The following OR4M1 variants were observed in gnomAD, a reference collection of about 807,000 sequenced individuals.
OR4M1 encodes olfactory receptor 4M1.
In OR4M1, 7 loss-of-function variants were observed where a neutral mutation model predicts 9.8. That is an observed-to-expected ratio of 0.71 (90% CI 0.41 to 1.34). The LOEUF (loss-of-function observed/expected upper bound fraction) is 1.34. Ranked by LOEUF, OR4M1 falls within the 40% of genes most tolerant of loss-of-function variation. OR4M1 has a pLI of 0.01. For missense variants in OR4M1, 331 were observed against 380.4 expected, an observed-to-expected ratio of 0.87 and a Z score of 1.08; for synonymous variants, 121 against 139.8, an observed-to-expected ratio of 0.87 and a Z score of 0.95.
rs770771055 is a variant in OR4M1, at chr14:19,781,306, T to C, written c.*42T>C. The C allele has an allele frequency of 6.1e-6, 9 of 1,473,828 alleles. No individual in the cohort carries two copies. Among genetic ancestry groups the C allele is most frequent in the Non-Finnish European group, 6.5e-6 (7 of 1,082,566 alleles). The allele number at this position is 1,473,828 out of a possible 1,614,324, so 91.3% of individuals were successfully genotyped here. A position where few individuals can be genotyped will look rare whatever the true frequency, so the allele number is the denominator to read the frequency against. The stretch of plus-strand genomic sequence containing the variant: ...TTTATAGTCCTCCTGAGGATCATTG[T>C]CCTAAAGCAGGAAGTATTTGCAGTA... On this transcript the variant is annotated 3_prime_UTR_variant, in exon 2 of 2. Coordinates refer to ENST00000641200, the MANE Select transcript of OR4M1 (RefSeq NM_001005500.2).
chr14:19,777,510 ATTTTATTTTAT>A (rs1878348985), intron 1 of OR4M1, among the ~76,000 whole-genome samples: 1 of 151,952 alleles, frequency 6.6e-6, no homozygotes, highest in Admixed American at 6.6e-5. Flanking sequence ...ACTTATTTAT[ATTTTATTTTAT>A]TTTTATTTGC....
In OR4M1 at chr14:19,780,438, T is replaced by A; in HGVS notation, c.116T>A (p.Leu39Gln). ...VIFLSFYLFILPGNILIICTI... is the reference protein window; with the variant it reads ...VIFLSFYLFIQPGNILIICTI... ...TTTCTATCCTTCTATTTGTTCATCC[T>A]ACCAGGAAATATCCTTATCATTTGC... Residue 39 changes from leucine to glutamine, a missense_variant, in exon 2 of 2, where the codon CTA becomes CAA. Coordinates refer to ENST00000641200, the MANE Select transcript of OR4M1 (RefSeq NM_001005500.2). 1 of 1,614,174 alleles carries A rather than the reference T, an allele frequency of 6.2e-7. No individual in the cohort carries two copies. The highest frequency in any genetic ancestry group is 8.5e-7 in the Non-Finnish European group (1 of 1,179,988).
chr14:19,781,341 C>CAA lies in OR4M1; in HGVS notation c.*78_*79insAA. ...GGAAGTATTTGCAGTAATAATGCTG[C>CAA]ATTCACTTCCTCCGTTCATTTGTGT... On this transcript the variant is annotated 3_prime_UTR_variant, in exon 2 of 2. Transcript: ENST00000641200. The CAA allele has an allele frequency of 1.6e-6, 2 of 1,217,610 alleles. No homozygotes were observed. Among genetic ancestry groups the CAA allele is most frequent in the Non-Finnish European group, 2.3e-6 (2 of 875,632 alleles). The allele number at this position is 1,217,610 out of a possible 1,614,324, so 75.4% of individuals were successfully genotyped here.
Position 19,782,707 on chromosome 14 carries a change from T to A in OR4M1, c.*1443T>A, listed in dbSNP as rs1336599463. On this transcript the variant is annotated 3_prime_UTR_variant, in exon 2 of 2. Transcript: ENST00000641200. ...GGTGACCTTCTTCGATCTTCAATGC[T>A]ACGTTACTTCTCTTCTAGGAACCCA... 1 of 152,264 alleles carries A rather than the reference T, an allele frequency of 6.6e-6. No individual in the cohort carries two copies. The highest frequency in any genetic ancestry group is 2.4e-5 in the African/African-American group (1 of 41,470). The allele number at this position is 152,264 out of a possible 1,614,324, so 9.4% of individuals were successfully genotyped here.
rs143594631 is a variant in OR4M1 at position 19,782,873 on chromosome 14, T to A, written c.*1609T>A. 6.7e-6 allele frequency: 1 copy of A among 149,746 alleles called. No homozygotes were observed. Among genetic ancestry groups the A allele is most frequent in the Non-Finnish European group, 1.5e-5 (1 of 66,648 alleles). 9.3% of individuals were successfully genotyped at this position (149,746 alleles called of 1,614,324 possible). On this transcript the variant is annotated 3_prime_UTR_variant, in exon 2 of 2. Coordinates refer to ENST00000641200, the MANE Select transcript of OR4M1 (RefSeq NM_001005500.2). ...GTACAAAAGATATATATATATAATATGATAAAATGATGAGTTATGTTTCTA... is the reference window on the plus strand; with the variant it reads ...GTACAAAAGATATATATATATAATAAGATAAAATGATGAGTTATGTTTCTA...
At chr14:19,776,035 G>A (rs1878300910) in intron 1 of OR4M1, among the ~76,000 whole-genome samples, 1 of 152,008 alleles carries the variant, frequency 6.6e-6, no homozygotes, top group African/African-American at 2.4e-5. Context: ...CCGTCTATAT[G>A]GTGAAGATGC....
chr14:19,773,851 C>T (rs1878236956), intron 1 of OR4M1, among the ~76,000 whole-genome samples: 1 of 152,324 alleles, frequency 6.6e-6, no homozygotes, highest in Non-Finnish European at 1.5e-5. Flanking sequence ...TTGAACAGGG[C>T]ATTGAAGAGA....
rs1878561336 is a variant in OR4M1, at chr14:19,783,395, C to T, written c.*2131C>T. On this transcript the variant is annotated 3_prime_UTR_variant, in exon 2 of 2. Coordinates refer to ENST00000641200, the MANE Select transcript of OR4M1 (RefSeq NM_001005500.2). ...GACAGCCCCCAGCCCCTGACTCCCACATGAATTATCTGGCCCAAAATGTCA... is the reference window on the plus strand; with the variant it reads ...GACAGCCCCCAGCCCCTGACTCCCATATGAATTATCTGGCCCAAAATGTCA... 6.5e-6 allele frequency: 1 copy of T among 152,700 alleles called. No homozygotes were observed. The highest frequency in any genetic ancestry group is 1.5e-5 in the Non-Finnish European group (1 of 68,364). 9.5% of individuals were successfully genotyped at this position (152,700 alleles called of 1,614,324 possible). A position where few individuals can be genotyped will look rare whatever the true frequency, so the allele number is the denominator to read the frequency against.
chr14:19,777,294 T>C (rs1482753407), intron 1 of OR4M1, among the ~76,000 whole-genome samples: 1 of 151,650 alleles, frequency 6.6e-6, no homozygotes, highest in Non-Finnish European at 1.5e-5. Flanking sequence ...AGAAAGTCTT[T>C]CATGACACAA....
rs1299105784 is a variant in OR4M1 at position 19,781,502 on chromosome 14, T to C, written c.*238T>C. On this transcript the variant is annotated 3_prime_UTR_variant, in exon 2 of 2. Coordinates refer to ENST00000641200, the MANE Select transcript of OR4M1 (RefSeq NM_001005500.2). The stretch of plus-strand genomic sequence containing the variant: ...ATCATTATTAGAATTTGAGATATAA[T>C]AATAATCTGCTAAAGTACATTTTAA... 6.1e-6 allele frequency: 3 copies of C among 492,718 alleles called. No homozygotes were observed. Among genetic ancestry groups the C allele is most frequent in the Non-Finnish European group, 1.1e-5 (3 of 282,122 alleles). 30.5% of individuals were successfully genotyped at this position (492,718 alleles called of 1,614,324 possible). A position where few individuals can be genotyped will look rare whatever the true frequency, so the allele number is the denominator to read the frequency against.
chr14:19,776,115 T>C lies in OR4M1; in HGVS notation c.-30+2522T>C, dbSNP rs13379330. On this transcript the variant is annotated intron_variant, in intron 1 of 1. Coordinates refer to ENST00000641200, the MANE Select transcript of OR4M1 (RefSeq NM_001005500.2). The stretch of plus-strand genomic sequence containing the variant: ...AATATCCTAAAAATAGGAAAATTAA[T>C]TCGCATTATTTCTAAGAAGTGTTGT... 5.7e-3 allele frequency among the ~76,000 whole-genome samples: 863 copies of C among 152,186 alleles called. 1 individual carries two copies. The highest frequency in any genetic ancestry group is 0.019 in the African/African-American group (783 of 41,448).
chr14:19,773,778 T>C (rs901887846), intron 1 of OR4M1, among the ~76,000 whole-genome samples, 185 bp downstream of exon 1: 2 of 150,866 alleles, frequency 1.3e-5, no homozygotes, highest in Admixed American at 1.3e-4. Flanking sequence ...AGCTGTAGAG[T>C]GGGTGGACAA....
Position 19,783,434 on chromosome 14 carries a change from T to G in OR4M1, c.*2170T>G, listed in dbSNP as rs1392065713. 1 of 152,728 alleles carries G rather than the reference T, an allele frequency of 6.5e-6. No homozygotes were observed. Among genetic ancestry groups the G allele is most frequent in the Non-Finnish European group, 1.5e-5 (1 of 68,400 alleles). The allele number at this position is 152,728 out of a possible 1,614,324, so 9.5% of individuals were successfully genotyped here. ...CCCAAAATGTCAATAGTGCCGAGAA[T>G]GAAGAACTCCATCAGGTTGAGAAAC... On this transcript the variant is annotated 3_prime_UTR_variant, in exon 2 of 2. Coordinates refer to ENST00000641200, the MANE Select transcript of OR4M1 (RefSeq NM_001005500.2).
chr14:19,781,019 GAGAAT>G lies in OR4M1; in HGVS notation c.699_703del (p.Glu233AspfsTer31), dbSNP rs768005533. 5.6e-5 allele frequency: 90 copies of G among 1,614,196 alleles called. No homozygotes were observed. In the African/African-American group the frequency reaches 1.1e-3, roughly 20 times the overall value. On this transcript the variant is annotated frameshift_variant, in exon 2 of 2. Coordinates refer to ENST00000641200, the MANE Select transcript of OR4M1 (RefSeq NM_001005500.2). LOFTEE classifies it high-confidence loss of function. ...GCTCAAGAAACATTCAGGCTCAGGTGAGAATACCAACAGGGCCATGTCCACCTGCT... is the reference window on the plus strand; with the variant it reads ...GCTCAAGAAACATTCAGGCTCAGGTGACCAACAGGGCCATGTCCACCTGCT...
chr14:19,774,738 G>T (rs1176963182), intron 1 of OR4M1, among the ~76,000 whole-genome samples: 3 of 152,200 alleles, frequency 2.0e-5, no homozygotes, highest in Non-Finnish European at 4.4e-5. Context: ...TGGGAAAAAT[G>T]TGGGGACCAT....
rs1337444477 is a variant in OR4M1 at position 19,780,976 on chromosome 14, T to C, written c.654T>C (p.Tyr218=). ...GTTTCATTGCTCTGTTAATGTCCTA[T>C]GCCTTCCTTCTGGCCTTGCTCAAGA... is the stretch of plus-strand genomic sequence containing the variant. ...VVCFIALLMS[Y]AFLLALLKKH... is the part of the protein sequence containing the mutation. Residue 218 remains tyrosine (Y), a synonymous_variant, in exon 2 of 2, where the codon TAT becomes TAC. Transcript: ENST00000641200. 8 of 1,614,128 alleles carry C rather than the reference T, an allele frequency of 5.0e-6. No homozygotes were observed. The highest frequency in any genetic ancestry group is 1.3e-5 in the African/African-American group (1 of 74,952).
intron 1 of OR4M1, among the ~76,000 whole-genome samples, chr14:19,775,639 A>AT (rs573055507): frequency 1.4e-3 from 202 of 147,192 alleles, no homozygotes; most frequent in African/African-American, 4.8e-3. Context: ...TATAAAATAT[A>AT]TTTTAATATA....
intron 1 of OR4M1, among the ~76,000 whole-genome samples, chr14:19,778,912 T>G (rs1335194207): frequency 6.6e-6 from 1 of 152,230 alleles, no homozygotes; most frequent in East Asian, 1.9e-4. Context: ...GGGCAATTTA[T>G]GGACATGGGG....
At chr14:19,774,015 C>A (rs557193871) in intron 1 of OR4M1, among the ~76,000 whole-genome samples, 1 of 152,300 alleles carries the variant, frequency 6.6e-6, no homozygotes, top group South Asian at 2.1e-4. Context: ...TCAGGAAAAC[C>A]CCAAGATCTT....
Sources: allele counts gnomAD v4.1 joint callset (sites outside exome capture counted in the v4.1 genomes callset), GRCh38; gene constraint gnomAD v4.1.1; transcripts MANE v1.5; gene names NCBI Gene and HGNC (gene_info 2026-07-23, HGNC 2026-07-21).